ATRN: variants seen among roughly 807,000 people sequenced by gnomAD.
ATRN encodes attractin-2.
In ATRN, 54 loss-of-function variants were observed where a neutral mutation model predicts 178.7. That is an observed-to-expected ratio of 0.30 (90% CI 0.24 to 0.38). The LOEUF is 0.38. Ranked by LOEUF, ATRN falls within the 10% of genes least tolerant of loss-of-function variation. The pLI, the probability that ATRN is intolerant of heterozygous loss-of-function variation, is 1.00. For synonymous variants in ATRN, 636 were observed against 663.0 expected, an observed-to-expected ratio of 0.96 and a Z score of 0.63; for missense variants, 1,443 against 1,815.1, an observed-to-expected ratio of 0.79 and a Z score of 3.73.
intron 27 of ATRN, among the ~76,000 whole-genome samples, chr20:3,639,605 T>G (rs1022319509): frequency 8.5e-5 from 13 of 152,126 alleles, no homozygotes; most frequent in African/African-American, 3.1e-4. Context: ...GATAATACAC[T>G]GTGTATTAAT....
Position 3,560,836 on chromosome 20 carries a change from G to A in ATRN, c.1378G>A (p.Val460Ile). The A allele has an allele frequency of 6.2e-7, 1 of 1,614,142 alleles. No homozygotes were observed. Among genetic ancestry groups the A allele is most frequent in the Non-Finnish European group, 8.5e-7 (1 of 1,180,016 alleles). The change falls in exon 8 of 29, where the codon GTC (valine) becomes ATC (isoleucine). Residue 460 changes from valine to isoleucine, a missense_variant. Physicochemically the swap from Val to Ile is conservative, Grantham distance 29. This residue lies in a region of ATRN where 862 missense variants were observed against 972.1 expected (regional missense o/e 0.89). Transcript: ENST00000262919. ...TGTTACACTGAAGAATGGCCGAGTG[G>A]TCATGCTGGTCATCTTTGGTCACTG... ...HIVTLKNGRVVMLVIFGHCPL... is the reference protein window; with the variant it reads ...HIVTLKNGRVIMLVIFGHCPL...
chr20:3,475,465 A>C (rs1341952184), intron 1 of ATRN, among the ~76,000 whole-genome samples: 2 of 152,236 alleles, frequency 1.3e-5, no homozygotes, highest in Non-Finnish European at 2.9e-5. Flanking sequence ...CATAGAAATG[A>C]CTGATTTTAA....
chr20:3,564,351 C>G (rs1438510437), intron 10 of ATRN, among the ~76,000 whole-genome samples: 1 of 152,216 alleles, frequency 6.6e-6, no homozygotes, highest in African/African-American at 2.4e-5. Context: ...GCCATCCTCT[C>G]TGGGTCCTTG....
chr20:3,527,778 G>C (rs1476207295), intron 1 of ATRN, among the ~76,000 whole-genome samples: 1 of 152,132 alleles, frequency 6.6e-6, no homozygotes, highest in Non-Finnish European at 1.5e-5. Flanking sequence ...GCAGGGACAT[G>C]ATGAGGCTGG....
At chr20:3,575,744 G>A in intron 12 of ATRN, 83 bp from the exon 13 acceptor site, 1 of 1,463,160 alleles carries the variant, frequency 6.8e-7, no homozygotes, top group South Asian at 1.4e-5. Flanking sequence ...CTTAACCATT[G>A]TTACGATTTT....
At chr20:3,489,867 T>C (rs1324937002) in intron 1 of ATRN, 4 of 1,302,798 alleles carry the variant, frequency 3.1e-6, no homozygotes. Flanking sequence ...GGGAATGCGT[T>C]TGCCATCCCA....
At chr20:3,608,226 C>T (rs771970995) in intron 24 of ATRN, among the ~76,000 whole-genome samples, 2 of 152,114 alleles carry the variant, frequency 1.3e-5, no homozygotes, top group African/African-American at 2.4e-5. Flanking sequence ...TCCCATTTGT[C>T]GATTTTTGCT....
intron 24 of ATRN, among the ~76,000 whole-genome samples, chr20:3,611,130 A>G (rs1183427382): frequency 6.6e-6 from 1 of 152,192 alleles, no homozygotes; most frequent in Non-Finnish European, 1.5e-5. Flanking sequence ...AAAACGAAAC[A>G]AAACCTTTTT....
intron 1 of ATRN, among the ~76,000 whole-genome samples, chr20:3,506,404 A>T (rs2146118026): frequency 6.6e-6 from 1 of 152,214 alleles, no homozygotes; most frequent in South Asian, 2.1e-4. Context: ...CAGGTGGATC[A>T]CCTGAGGTCA....
At chr20:3,594,759 G>A (rs191507922) in intron 20 of ATRN, among the ~76,000 whole-genome samples, 187 bp downstream of exon 20, 278 of 152,344 alleles carry the variant, frequency 1.8e-3, no homozygotes, top group Non-Finnish European at 2.5e-3. Flanking sequence ...TGAGGAGGTC[G>A]TCGAGTTAGC....
intron 24 of ATRN, 24 bp downstream of exon 24, chr20:3,604,286 T>C (rs757665234): frequency 8.3e-6 from 13 of 1,571,228 alleles, no homozygotes; most frequent in Middle Eastern, 3.5e-4. Flanking sequence ...TTTGGTCTCA[T>C]ACCTGCAAAG....
intron 24 of ATRN, among the ~76,000 whole-genome samples, chr20:3,614,396 C>G (rs2086811059): frequency 6.6e-6 from 1 of 152,170 alleles, no homozygotes; most frequent in Non-Finnish European, 1.5e-5. Context: ...GACTCTGCAA[C>G]AGAGGTTGTT....
At chr20:3,479,504 G>A (rs2146064819) in intron 1 of ATRN, among the ~76,000 whole-genome samples, 1 of 152,320 alleles carries the variant, frequency 6.6e-6, no homozygotes, top group South Asian at 2.1e-4. Context: ...TTTAGTGTGA[G>A]TAGACCATCT....
At chr20:3,524,989 TA>T (rs1568706996) in intron 1 of ATRN, among the ~76,000 whole-genome samples, 1 of 151,882 alleles carries the variant, frequency 6.6e-6, no homozygotes, top group East Asian at 1.9e-4. Flanking sequence ...ACATCACAGT[TA>T]AAAGAACTAG....
At position 3,572,912 on chromosome 20, in the gene ATRN, C is replaced by T. The variant is rs1392047580; in HGVS notation, c.2053C>T (p.Gln685Ter). The T allele has an allele frequency of 6.2e-7, 1 of 1,613,704 alleles. No individual in the cohort carries two copies. Among genetic ancestry groups the T allele is most frequent in the Non-Finnish European group, 8.5e-7 (1 of 1,179,948 alleles). The change falls in exon 12 of 29, where the codon CAA (glutamine) becomes TAA (stop). Residue 685 changes from glutamine (Q) to a stop codon, truncating the protein, a stop_gained. Transcript: ENST00000262919. LOFTEE classifies it high-confidence loss of function. ...CISWALATDEQEEKLKSECFS... is the reference protein window; with the variant it reads ...CISWALATDE ...CTCGTGGGCGCTGGCAACTGATGAA[C>T]AAGAAGAAAAGTTAAAATCAGAATG...
In ATRN at chr20:3,598,511, A is replaced by G. The variant is rs77740589; in HGVS notation, c.3564+511A>G. Among the ~76,000 whole-genome samples the G allele has an allele frequency of 2.4e-4, 37 of 152,348 alleles. No homozygotes were observed. The East Asian group carries it at 4.8e-3, about 20-fold the overall frequency. ...TAGCCTCATTAGGAGGCAAAACAGCAAAGGCTTAGTCGGGTCCATTAAGAA... is the reference window on the plus strand; with the variant it reads ...TAGCCTCATTAGGAGGCAAAACAGCGAAGGCTTAGTCGGGTCCATTAAGAA... On this transcript the variant is annotated intron_variant, in intron 22 of 28. Transcript: ENST00000262919.
chr20:3,584,573 T>A (rs2086329443), intron 17 of ATRN, 74 bp from the exon 18 acceptor site: 1 of 1,049,080 alleles, frequency 9.5e-7, no homozygotes, highest in Non-Finnish European at 1.4e-6. Flanking sequence ...TTGAATAGTC[T>A]GTTAAAAAAA....
At chr20:3,549,988 AC>A (rs1175990983) in intron 6 of ATRN, among the ~76,000 whole-genome samples, 1 of 152,152 alleles carries the variant, frequency 6.6e-6, no homozygotes, top group Non-Finnish European at 1.5e-5. Flanking sequence ...AACACATCAC[AC>A]AACTAGTCTA....
chr20:3,588,299 TA>T (rs2086386810), intron 18 of ATRN, among the ~76,000 whole-genome samples: 1 of 152,264 alleles, frequency 6.6e-6, no homozygotes, highest in Non-Finnish European at 1.5e-5. Flanking sequence ...CAGTCTTTAT[TA>T]AATATGATAT....
Sources: gnomAD v4.1 joint callset for allele counts (sites outside exome capture counted in the v4.1 genomes callset) on GRCh38, gnomAD v4.1.1 for gene constraint, gnomAD v4.1.1 regional missense constraint, MANE v1.5 for transcripts, NCBI Gene and HGNC (gene_info 2026-07-23, HGNC 2026-07-21) for gene names.